CELF5: variants seen among roughly 807,000 people sequenced by gnomAD.
CELF5 encodes the protein CUGBP Elav-like family member 5.
Under a neutral mutation model 54.9 loss-of-function variants are expected in CELF5, and 6 were observed. That is an observed-to-expected ratio of 0.11 (90% CI 0.06 to 0.22). The LOEUF (loss-of-function observed/expected upper bound fraction) is 0.22, where lower values mean the gene tolerates loss of function less well. Among genes scored for constraint, CELF5 ranks in the 10% least tolerant of loss-of-function variants. The pLI is 1.00. For missense variants in CELF5, 401 were observed against 678.6 expected (o/e 0.59, Z 4.54); for synonymous variants, 271 against 290.9 (o/e 0.93, Z 0.70).
In CELF5 at chr19:3,235,837, GATGA is replaced by G. The variant is rs1209404848; in HGVS notation, c.259+10847_259+10850del. Among the ~76,000 whole-genome samples, 27 of 151,880 alleles carry G rather than the reference GATGA, an allele frequency of 1.8e-4. No individual in the cohort carries two copies. The South Asian group carries it at 5.2e-3, about 29-fold the overall frequency. ...GGATGTGTGGATGGATGGATGGATG[GATGA>G]ATGAATGGATGGATGGATGAATAGG... On this transcript the variant is annotated intron_variant, in intron 1 of 12. Transcript: ENST00000292672.
chr19:3,284,804 C>T (rs2080207214), intron 8 of CELF5, 98 bp from the exon 9 acceptor site: 3 of 1,016,374 alleles, frequency 3.0e-6, no homozygotes, highest in African/African-American at 1.6e-5. Context: ...AGAAGCTGGG[C>T]GGGGTGTTTG....
chr19:3,250,952 C>G (rs1456344184), intron 1 of CELF5, 33 bp from the exon 2 acceptor site: 1 of 1,541,020 alleles, frequency 6.5e-7, no homozygotes, highest in African/African-American at 1.4e-5. Context: ...TGTGCCCGTG[C>G]TCTCTTAACA....
chr19:3,263,040 G>A (rs1463211921), intron 2 of CELF5, among the ~76,000 whole-genome samples: 2 of 151,846 alleles, frequency 1.3e-5, no homozygotes, highest in Non-Finnish European at 2.9e-5. Context: ...GAGGTCAGGA[G>A]TTCGAGACCA....
rs1031488094 is a variant in CELF5 at position 3,228,618 on chromosome 19, G to A, written c.259+3620G>A. ...TTGCGCTGGGGGACGGTGCAGGTGG[G>A]GGGGGGGCCCGGCGGGGGCCCGGGT... is the stretch of plus-strand genomic sequence containing the variant. On this transcript the variant is annotated intron_variant, in intron 1 of 12. Coordinates refer to ENST00000292672, the MANE Select transcript of CELF5 (RefSeq NM_021938.4). The surrounding 1 kb of genome is among the most constrained non-coding windows in gnomAD (Gnocchi z 6.0). Among the ~76,000 whole-genome samples the A allele has an allele frequency of 1.7e-4, 26 of 152,034 alleles. No homozygotes were observed. Among genetic ancestry groups the A allele is most frequent in the East Asian group, 3.9e-4 (2 of 5,178 alleles).
chr19:3,258,368 C>A (rs190309657), intron 2 of CELF5, among the ~76,000 whole-genome samples: 1 of 151,790 alleles, frequency 6.6e-6, no homozygotes, highest in African/African-American at 2.4e-5. Context: ...GCAATCCTCC[C>A]GCCTTGGCCT....
intron 4 of CELF5, among the ~76,000 whole-genome samples, chr19:3,277,635 C>T (rs2080078608): frequency 6.6e-6 from 1 of 152,138 alleles, no homozygotes; most frequent in African/African-American, 2.4e-5. Flanking sequence ...GCTGGCCCTT[C>T]CATAGTACTC....
At chr19:3,255,656 C>T (rs995372054) in intron 2 of CELF5, among the ~76,000 whole-genome samples, 4 of 152,140 alleles carry the variant, frequency 2.6e-5, no homozygotes, top group Admixed American at 1.3e-4. Context: ...CTTAGCTTCC[C>T]CTCTCCCAAG....
chr19:3,254,901 C>A (rs1393780503), intron 2 of CELF5, among the ~76,000 whole-genome samples: 1 of 151,976 alleles, frequency 6.6e-6, no homozygotes, highest in Admixed American at 6.6e-5. Flanking sequence ...ATCTACCCTT[C>A]CATCCATCCA....
At chr19:3,230,290 A>C (rs748987206) in intron 1 of CELF5, among the ~76,000 whole-genome samples, 2 of 152,178 alleles carry the variant, frequency 1.3e-5, no homozygotes, top group Admixed American at 6.5e-5. Flanking sequence ...GAGGAGGGGC[A>C]TTAGAAATGG....
In CELF5 at chr19:3,282,029, T is replaced by C; in HGVS notation, c.751-97T>C. 7.2e-7 allele frequency: 1 copy of C among 1,388,666 alleles called. No individual in the cohort carries two copies. The highest frequency in any genetic ancestry group is 1.2e-5 in the South Asian group (1 of 82,346). 86.0% of individuals were successfully genotyped at this position (1,388,666 alleles called of 1,614,324 possible). On this transcript the variant is annotated intron_variant, in intron 6 of 12. Transcript: ENST00000292672. The surrounding 1 kb of genome is among the most constrained non-coding windows in gnomAD (Gnocchi z 5.2). ...TCAGCCTGAGCCAAGATACCCAGCC[T>C]GACCTCCTCACTAGTAACTGGGGTA...
intron 11 of CELF5, among the ~76,000 whole-genome samples, chr19:3,291,094 C>A (rs975431567): frequency 1.4e-5 from 2 of 144,622 alleles, no homozygotes; most frequent in African/African-American, 4.9e-5. Context: ...GACCCCATTT[C>A]TACAAAAAAT....
intron 1 of CELF5, 65 bp from the exon 2 acceptor site, chr19:3,250,920 G>A: frequency 8.4e-7 from 1 of 1,189,080 alleles, no homozygotes; most frequent in South Asian, 1.3e-5. Flanking sequence ...GCCACTGTGG[G>A]TGGTGCTGCT....
At chr19:3,286,707 G>C (rs1454465949) in intron 10 of CELF5, 3 of 139,920 alleles carry the variant, frequency 2.1e-5, no homozygotes, top group Non-Finnish European at 4.5e-5. Context: ...ACTCCAGCCT[G>C]GGTGAGAGAG....
chr19:3,285,865 C>T (rs1425594058), intron 9 of CELF5, 77 bp from the exon 10 acceptor site: 2 of 1,032,070 alleles, frequency 1.9e-6, no homozygotes, highest in African/African-American at 3.4e-5. Context: ...GCCCCGCCCC[C>T]TCCCCGCCCA....
intron 1 of CELF5, among the ~76,000 whole-genome samples, chr19:3,231,489 GATGGGTGGATGAATGGATTT>G (rs1917254647): frequency 1.5e-5 from 2 of 137,456 alleles, no homozygotes; most frequent in African/African-American, 3.3e-5. Context: ...TGGATGGATG[GATGGGTGGATGAATGGATTT>G]ATGGATGGAT....
intron 9 of CELF5, 67 bp from the exon 10 acceptor site, chr19:3,285,875 A>T: frequency 3.6e-6 from 1 of 280,572 alleles, no homozygotes; most frequent in Non-Finnish European, 4.4e-6. Flanking sequence ...CTCCCCGCCC[A>T]GCGGCCCAGG....
In CELF5 at chr19:3,268,349, G is replaced by T. The variant is rs1200863679; in HGVS notation, c.343-5523G>T. On this transcript the variant is annotated intron_variant, in intron 2 of 12. Coordinates refer to ENST00000292672, the MANE Select transcript of CELF5 (RefSeq NM_021938.4). This position sits in a 1 kb window ranked among gnomAD's most constrained non-coding sequence, Gnocchi z 4.4. Reference sequence around the variant, plus strand: ...GACTCTGTAAGGTGAGGCCTGTCAGGTGCTGAACGCAGAACCCGAGCTCGG... The same window carrying T: ...GACTCTGTAAGGTGAGGCCTGTCAGTTGCTGAACGCAGAACCCGAGCTCGG... 6.6e-6 allele frequency among the ~76,000 whole-genome samples: 1 copy of T among 152,128 alleles called. No homozygotes were observed. The highest frequency in any genetic ancestry group is 1.5e-5 in the Non-Finnish European group (1 of 68,018).
intron 2 of CELF5, among the ~76,000 whole-genome samples, chr19:3,266,425 C>CAA (rs551400047): frequency 7.7e-6 from 1 of 129,838 alleles, no homozygotes; most frequent in Non-Finnish European, 1.7e-5. Context: ...CCAGTACAAA[C>CAA]AAAAAAAAAA....
intron 1 of CELF5, among the ~76,000 whole-genome samples, chr19:3,250,254 C>T (rs572802265): frequency 6.6e-6 from 1 of 152,102 alleles, no homozygotes; most frequent in Non-Finnish European, 1.5e-5. Context: ...TTCGGGAGGC[C>T]GAGGCGGGCA....
Sources: allele counts gnomAD v4.1 joint callset (sites outside exome capture counted in the v4.1 genomes callset), GRCh38; gene constraint gnomAD v4.1.1; non-coding constraint Gnocchi (gnomAD v3.1); transcripts MANE v1.5; gene names NCBI Gene and HGNC (gene_info 2026-07-23, HGNC 2026-07-21).